YWHAZ: variants seen among roughly 807,000 people sequenced by gnomAD.
YWHAZ encodes 14-3-3 protein zeta/delta.
For synonymous variants in YWHAZ, 87 were observed against 103.6 expected (o/e 0.84, Z 0.97); for missense variants, 79 against 284.8 (o/e 0.28, Z 5.20).
intron 2 of YWHAZ, among the ~76,000 whole-genome samples, chr8:100,943,712 C>G (rs898268934): frequency 6.6e-6 from 1 of 152,130 alleles, no homozygotes; most frequent in African/African-American, 2.4e-5. Context: ...CCAGGCCGGG[C>G]GCGGTGGCTC....
intron 2 of YWHAZ, among the ~76,000 whole-genome samples, chr8:100,935,972 G>A (rs1051394793): frequency 1.6e-4 from 25 of 151,978 alleles, no homozygotes; most frequent in African/African-American, 5.6e-4. Context: ...AAAGTAATCA[G>A]AGAATTTATA....
chr8:100,921,282 G>A (rs987663657), intron 5 of YWHAZ, among the ~76,000 whole-genome samples: 2 of 152,086 alleles, frequency 1.3e-5, no homozygotes, highest in African/African-American at 4.8e-5. Flanking sequence ...ACCCACCTCG[G>A]CCTCCCAAAG....
intron 1 of YWHAZ, chr8:100,951,617 C>T: frequency 1.0e-6 from 1 of 985,264 alleles, no homozygotes; most frequent in Non-Finnish European, 1.2e-6. Context: ...CGGGAGCCGG[C>T]GACAGGGAGA....
Position 100,948,160 on chromosome 8 carries a change from A to C in YWHAZ, c.294+436T>G, listed in dbSNP as rs537229696. 3 of 1,532,542 alleles carry C rather than the reference A, an allele frequency of 2.0e-6. No homozygotes were observed. The highest frequency in any genetic ancestry group is 1.2e-5 in the South Asian group (1 of 83,460). The allele number at this position is 1,532,542 out of a possible 1,614,324, so 94.9% of individuals were successfully genotyped here. ...GGTTGACTCATTACATTAACATTAT[A>C]GCGGCTAATCCTGAGAAGAGTACTA... On this transcript the variant is annotated intron_variant, in intron 2 of 5. Transcript: ENST00000395958. The surrounding 1 kb of genome is among the most constrained non-coding windows in gnomAD (Gnocchi z 4.2).
At position 100,918,443 on chromosome 8, in the gene YWHAZ, T is replaced by TATATATATATATATA. The variant is rs1417316114; in HGVS notation, c.*2249_*2250insTATATATATATATAT. 17 of 117,052 alleles carry TATATATATATATATA rather than the reference T, an allele frequency of 1.5e-4. No homozygotes were observed. In the East Asian group the frequency reaches 1.8e-3, roughly 13 times the overall value. The allele number at this position is 117,052 out of a possible 1,614,324, so 7.3% of individuals were successfully genotyped here. A position where few individuals can be genotyped will look rare whatever the true frequency, so the allele number is the denominator to read the frequency against. On this transcript the variant is annotated 3_prime_UTR_variant, in exon 6 of 6. Coordinates refer to ENST00000395958, the MANE Select transcript of YWHAZ (RefSeq NM_145690.3). Reference sequence around the variant, plus strand: ...ATATATATATATATATATATATATATAATTATTTTACCTCCTTGGCTTGGG... The same window carrying TATATATATATATATA: ...ATATATATATATATATATATATATATATATATATATATATAAATTATTTTACCTCCTTGGCTTGGG...
Position 100,924,435 on chromosome 8 carries a change from CCT to C in YWHAZ, c.419-139_419-138del, listed in dbSNP as rs1683690840. 7 of 881,526 alleles carry C rather than the reference CCT, an allele frequency of 7.9e-6. No individual in the cohort carries two copies. In the South Asian group the frequency reaches 1.5e-4, roughly 19 times the overall value. 54.6% of individuals were successfully genotyped at this position (881,526 alleles called of 1,614,324 possible). A position where few individuals can be genotyped will look rare whatever the true frequency, so the allele number is the denominator to read the frequency against. ...TTAATATTTGTTAATTGAACAAGGTCCTTTTTTTTTTTTAAAGGGAGCTTTCT... is the reference window on the plus strand; with the variant it reads ...TTAATATTTGTTAATTGAACAAGGTCTTTTTTTTTTTAAAGGGAGCTTTCT... On this transcript the variant is annotated intron_variant, in intron 3 of 5. Coordinates refer to ENST00000395958, the MANE Select transcript of YWHAZ (RefSeq NM_145690.3). This position sits in a 1 kb window ranked among gnomAD's most constrained non-coding sequence, Gnocchi z 5.7.
chr8:100,933,043 T>C (rs1422498376), intron 2 of YWHAZ, among the ~76,000 whole-genome samples: 1 of 152,078 alleles, frequency 6.6e-6, no homozygotes, highest in Non-Finnish European at 1.5e-5. Flanking sequence ...TAAGAATCAG[T>C]ATTAACAGTA....
At position 100,920,807 on chromosome 8, in the gene YWHAZ, G is replaced by GGT. The variant is rs1563666051; in HGVS notation, c.679-56_679-55insAC. 2 of 493,904 alleles carry GGT rather than the reference G, an allele frequency of 4.0e-6. 1 individual carries two copies. The highest frequency in any genetic ancestry group is 7.3e-6 in the Non-Finnish European group (2 of 273,092). The allele number at this position is 493,904 out of a possible 1,614,324, so 30.6% of individuals were successfully genotyped here. A position where few individuals can be genotyped will look rare whatever the true frequency, so the allele number is the denominator to read the frequency against. ...AGTTTCAGTGGGATGGGGGGGGGGG[G>GGT]GCGTTTTCATATAAGTGCCAAGATA... On this transcript the variant is annotated intron_variant, in intron 5 of 5. Transcript: ENST00000395958.
At chr8:100,934,574 G>A (rs1213523771) in intron 2 of YWHAZ, among the ~76,000 whole-genome samples, 1 of 151,856 alleles carries the variant, frequency 6.6e-6, no homozygotes, top group Non-Finnish European at 1.5e-5. Context: ...GGTGGCAGGC[G>A]CCTGTAATCC....
chr8:100,947,025 G>A (rs1476414152), intron 2 of YWHAZ, among the ~76,000 whole-genome samples: 2 of 151,244 alleles, frequency 1.3e-5, no homozygotes, highest in Non-Finnish European at 2.9e-5. Context: ...AGGCTGAGGA[G>A]GGCGGATCAC....
At chr8:100,944,008 A>G in intron 2 of YWHAZ, among the ~76,000 whole-genome samples, 1 of 151,918 alleles carries the variant, frequency 6.6e-6, no homozygotes, top group East Asian at 1.9e-4. Context: ...GAAAAAAGAA[A>G]AAAAGAAAAA....
In YWHAZ at chr8:100,924,094, TA is replaced by T; in HGVS notation, c.582+40del. The T allele has an allele frequency of 6.2e-7, 1 of 1,607,938 alleles. No individual in the cohort carries two copies. The highest frequency in any genetic ancestry group is 8.5e-7 in the Non-Finnish European group (1 of 1,177,896). ...ACATTACATTTCAGTGCTCAAATAA[TA>T]AAGACTGCTAAATTTCTACGTAACA... On this transcript the variant is annotated intron_variant, in intron 4 of 5. Transcript: ENST00000395958. This position sits in a 1 kb window ranked among gnomAD's most constrained non-coding sequence, Gnocchi z 5.7.
At chr8:100,942,641 T>C (rs1298258844) in intron 2 of YWHAZ, among the ~76,000 whole-genome samples, 6 of 152,090 alleles carry the variant, frequency 3.9e-5, no homozygotes. Flanking sequence ...AAGTCCTAAA[T>C]CGAGTAATGA....
intron 2 of YWHAZ, among the ~76,000 whole-genome samples, chr8:100,941,812 A>C (rs1175341107): frequency 2.1e-4 from 1 of 4,726 alleles, no homozygotes; most frequent in African/African-American, 8.6e-4. Context: ...AAAAACGACA[A>C]AAAAAAAAAA....
intron 2 of YWHAZ, among the ~76,000 whole-genome samples, chr8:100,943,891 G>A (rs1810057171): frequency 6.6e-6 from 1 of 151,044 alleles, no homozygotes; most frequent in Non-Finnish European, 1.5e-5. Flanking sequence ...GGAGGCTGAG[G>A]CAGGAGAATG....
In YWHAZ at chr8:100,933,174, G is replaced by C. The variant is rs995790876; in HGVS notation, c.295-8135C>G. On this transcript the variant is annotated intron_variant, in intron 2 of 5. Coordinates refer to ENST00000395958, the MANE Select transcript of YWHAZ (RefSeq NM_145690.3). ...AGGAGCTCAAGACCAGCCTGGCCAA[G>C]ATGGTGAAAGCCTGTCTCTACTAAA... is the stretch of plus-strand genomic sequence containing the variant. 1.6e-4 allele frequency among the ~76,000 whole-genome samples: 24 copies of C among 152,098 alleles called. No individual in the cohort carries two copies. In the East Asian group the frequency reaches 4.6e-3, roughly 29 times the overall value.
chr8:100,925,052 A>C lies in YWHAZ; in HGVS notation c.295-13T>G, dbSNP rs1813266114. 4.4e-6 allele frequency: 7 copies of C among 1,608,958 alleles called. No individual in the cohort carries two copies. The highest frequency in any genetic ancestry group is 5.9e-6 in the Non-Finnish European group (7 of 1,178,302). On this transcript the variant is annotated splice_polypyrimidine_tract_variant and intron_variant, in intron 2 of 5. Coordinates refer to ENST00000395958, the MANE Select transcript of YWHAZ (RefSeq NM_145690.3). ...TTTCCAAAAGAGACTTAAGAAGAAA[A>C]GAAACAGACATAGTGAGAATAAAAC...
rs1243224760 is a variant in YWHAZ at position 100,951,896 on chromosome 8, G to A, written c.-12+33C>T. ...CGTTCGGAAGGCTGGCCTGGGACAG[G>A]AAGCGAGGCGCGGCGGCGGCCGGGT... is the stretch of plus-strand genomic sequence containing the variant. On this transcript the variant is annotated intron_variant, in intron 1 of 5. Transcript: ENST00000395958. The A allele has an allele frequency of 4.0e-6, 4 of 992,696 alleles. No homozygotes were observed. In the African/African-American group the frequency reaches 5.2e-5, roughly 13 times the overall value. The allele number at this position is 992,696 out of a possible 1,614,324, so 61.5% of individuals were successfully genotyped here. A position where few individuals can be genotyped will look rare whatever the true frequency, so the allele number is the denominator to read the frequency against.
At chr8:100,935,745 T>C (rs1220012697) in intron 2 of YWHAZ, among the ~76,000 whole-genome samples, 1 of 152,118 alleles carries the variant, frequency 6.6e-6, no homozygotes, top group Non-Finnish European at 1.5e-5. Context: ...GGGTCCTAGA[T>C]TATGGTACTA....
Sources: gnomAD v4.1 joint callset for allele counts (sites outside exome capture counted in the v4.1 genomes callset) on GRCh38, gnomAD v4.1.1 for gene constraint, Gnocchi (gnomAD v3.1) non-coding constraint, MANE v1.5 for transcripts, NCBI Gene and HGNC (gene_info 2026-07-23, HGNC 2026-07-21) for gene names.